The following CIMIP6 variants were observed in gnomAD, a reference collection of about 807,000 sequenced individuals.
The protein encoded by CIMIP6 is ciliary microtubule inner protein 6, also known as uncharacterized protein C2orf73.
the CIMIP6 span, among the ~76,000 whole-genome samples, chr2:54,347,766 C>G: frequency 2.6e-5 from 4 of 152,140 alleles, no homozygotes; most frequent in African/African-American, 9.7e-5. Flanking sequence ...TGCAACATCA[C>G]CTTGTCCCGC....
chr2:54,377,471 A>G, the CIMIP6 span, among the ~76,000 whole-genome samples: 1 of 152,194 alleles, frequency 6.6e-6, no homozygotes, highest in East Asian at 1.9e-4. Context: ...GTTTACATAC[A>G]TTTATATAAT....
the CIMIP6 span, among the ~76,000 whole-genome samples, chr2:54,356,258 C>A: frequency 6.6e-6 from 1 of 152,174 alleles, no homozygotes; most frequent in African/African-American, 2.4e-5. Context: ...AAGGGGGCAA[C>A]ATGTACCCAT....
chr2:54,357,893 A>C, the CIMIP6 span, among the ~76,000 whole-genome samples: 5 of 151,908 alleles, frequency 3.3e-5, no homozygotes, highest in Non-Finnish European at 5.9e-5. Context: ...CCACATACAT[A>C]TTTTTTAAGG....
chr2:54,336,360 T>C, the CIMIP6 span, among the ~76,000 whole-genome samples: 1 of 152,204 alleles, frequency 6.6e-6, no homozygotes, highest in Non-Finnish European at 1.5e-5. Flanking sequence ...ATGTAGCTTA[T>C]TGAACCAGTC....
At chr2:54,379,670 C>G in the CIMIP6 span, among the ~76,000 whole-genome samples, 172 of 151,896 alleles carry the variant, frequency 1.1e-3, 1 homozygote, top group African/African-American at 3.8e-3. Flanking sequence ...GACCCTGTCT[C>G]TACAAAAATT....
the CIMIP6 span, among the ~76,000 whole-genome samples, chr2:54,355,335 C>T: frequency 6.6e-6 from 1 of 152,010 alleles, no homozygotes; most frequent in Non-Finnish European, 1.5e-5. Flanking sequence ...ACTGCAAGAT[C>T]GAGAGGAGAG....
chr2:54,373,661 A>G, the CIMIP6 span, among the ~76,000 whole-genome samples: 198 of 152,180 alleles, frequency 1.3e-3, no homozygotes, highest in Non-Finnish European at 2.4e-3. Context: ...CTCCTCCTCA[A>G]AAACTGTAGG....
the CIMIP6 span, among the ~76,000 whole-genome samples, chr2:54,374,235 C>G: frequency 6.6e-6 from 1 of 152,172 alleles, no homozygotes. Flanking sequence ...CTCTTTAATT[C>G]TTACAGATGG....
chr2:54,333,614 C>T, the CIMIP6 span, among the ~76,000 whole-genome samples: 1 of 152,090 alleles, frequency 6.6e-6, no homozygotes, highest in Non-Finnish European at 1.5e-5. Flanking sequence ...GTGGGCGAGG[C>T]ACAGTGGTTC....
the CIMIP6 span, among the ~76,000 whole-genome samples, chr2:54,351,432 C>T: frequency 1.3e-3 from 199 of 152,286 alleles, no homozygotes; most frequent in African/African-American, 4.6e-3. Context: ...CACCGTGGAA[C>T]ACTATGCAGC....
chr2:54,363,441 G>A, the CIMIP6 span, among the ~76,000 whole-genome samples: 3 of 152,092 alleles, frequency 2.0e-5, no homozygotes, highest in African/African-American at 7.2e-5. Flanking sequence ...GGAATGACTG[G>A]TTTGCTGCTC....
the CIMIP6 span, among the ~76,000 whole-genome samples, chr2:54,381,230 C>A: frequency 6.6e-6 from 1 of 152,138 alleles, no homozygotes; most frequent in African/African-American, 2.4e-5. Flanking sequence ...TGTTCCAGAC[C>A]AATGTGATAT....
chr2:54,382,261 A>C, the CIMIP6 span, among the ~76,000 whole-genome samples: 7 of 152,360 alleles, frequency 4.6e-5, no homozygotes, highest in East Asian at 1.4e-3. Flanking sequence ...GAGCTCTAAG[A>C]GTAAATATTC....
chr2:54,351,389 T>C, the CIMIP6 span, among the ~76,000 whole-genome samples: 2 of 152,186 alleles, frequency 1.3e-5, no homozygotes, highest in African/African-American at 2.4e-5. Context: ...GCCCATCAAC[T>C]GTAGACTGCT....
chr2:54,333,500 G>A, the CIMIP6 span, among the ~76,000 whole-genome samples: 61 of 152,274 alleles, frequency 4.0e-4, no homozygotes, highest in African/African-American at 1.4e-3. Context: ...AGTCGAAGAG[G>A]TTCACTGGGG....
the CIMIP6 span, among the ~76,000 whole-genome samples, chr2:54,352,728 A>G: frequency 6.6e-6 from 1 of 152,214 alleles, no homozygotes; most frequent in South Asian, 2.1e-4. Flanking sequence ...TAGTATTTGC[A>G]TATAACCTAC....
chr2:54,341,841 A>G, the CIMIP6 span, among the ~76,000 whole-genome samples: 1 of 152,186 alleles, frequency 6.6e-6, no homozygotes, highest in Non-Finnish European at 1.5e-5. Flanking sequence ...TATAATTGTG[A>G]AGTGGAGTGG....
At chr2:54,368,594 T>A in the CIMIP6 span, among the ~76,000 whole-genome samples, 2 of 152,348 alleles carry the variant, frequency 1.3e-5, no homozygotes, top group African/African-American at 4.8e-5. Flanking sequence ...CTTGGGGGCA[T>A]TGAGCCATGC....
chr2:54,372,659 G>A, the CIMIP6 span, among the ~76,000 whole-genome samples: 2 of 152,164 alleles, frequency 1.3e-5, no homozygotes, highest in African/African-American at 4.8e-5. Flanking sequence ...CTCTTCCCCA[G>A]GGTGCCAGGC....
Sources: gnomAD v4.1 joint callset for allele counts (sites outside exome capture counted in the v4.1 genomes callset) on GRCh38, gnomAD v4.1.1 for gene constraint, MANE v1.5 for transcripts, NCBI Gene and HGNC (gene_info 2026-07-23, HGNC 2026-07-21) for gene names.